TMEM108: variants seen among roughly 807,000 people sequenced by gnomAD.
The protein encoded by TMEM108 is cancer/testis antigen 124.
A neutral mutation model predicts 35.1 loss-of-function variants in TMEM108; 12 were observed. The ratio of observed to expected loss-of-function variants is 0.34; its 90% CI spans 0.22 to 0.55. The LOEUF (loss-of-function observed/expected upper bound fraction) is 0.55. Ranked by LOEUF, TMEM108 falls within the 20% of genes least tolerant of loss-of-function variation. The pLI, the probability that TMEM108 is intolerant of heterozygous loss-of-function variation, is 0.89. For missense variants in TMEM108, 680 were observed against 753.3 expected (o/e 0.90, Z 1.14); for synonymous variants, 287 against 308.6 (o/e 0.93, Z 0.73).
In TMEM108 at chr3:133,380,599, G is replaced by A. The variant is rs138205990; in HGVS notation, c.888G>A (p.Gly296=). The part of the protein sequence containing the change: ...GGGSTFTSQG[G]TPDATAASGA... Reference sequence around the variant, plus strand: ...GTTCTACCTTCACCAGCCAAGGAGGGACACCAGATGCCACAGCAGCCTCAG... The same window carrying A: ...GTTCTACCTTCACCAGCCAAGGAGGAACACCAGATGCCACAGCAGCCTCAG... The change falls in exon 4 of 6, where the codon GGG becomes GGA. Residue 296 remains glycine, a synonymous_variant. Coordinates refer to ENST00000321871, the MANE Select transcript of TMEM108 (RefSeq NM_023943.4). This position sits in a 1 kb window ranked among gnomAD's most constrained non-coding sequence, Gnocchi z 5.3. The A allele has an allele frequency of 4.9e-5, 79 of 1,613,288 alleles. No individual in the cohort carries two copies. The African/African-American group carries it at 9.5e-4, about 19-fold the overall frequency.
rs142029354 is a variant in TMEM108, at chr3:133,354,349, G to A, written c.41-25403G>A. 7.2e-3 allele frequency among the ~76,000 whole-genome samples: 1,094 copies of A among 152,232 alleles called. 15 individuals carry two copies. Among genetic ancestry groups the A allele is most frequent in the African/African-American group, 0.024 (1,013 of 41,538 alleles). On this transcript the variant is annotated intron_variant, in intron 3 of 5. Transcript: ENST00000321871. Reference sequence around the variant, plus strand: ...CATCTGGAGATTCAGATCATGTGGAGCCACCCAAGAGACCTGGCCAGGCAT... The same window carrying A: ...CATCTGGAGATTCAGATCATGTGGAACCACCCAAGAGACCTGGCCAGGCAT...
chr3:133,153,370 A>T (rs553346281), intron 2 of TMEM108, among the ~76,000 whole-genome samples: 11 of 152,326 alleles, frequency 7.2e-5, no homozygotes, highest in Admixed American at 3.9e-4. Flanking sequence ...TACAACATTT[A>T]GTGAGTGCTT....
chr3:133,395,952 T>C lies in TMEM108; in HGVS notation c.1694T>C (p.Leu565Pro). Residue 565 changes from leucine (L) to proline (P), a missense_variant, in exon 6 of 6, where the codon CTG becomes CCG. Transcript: ENST00000321871. ...GTTAACCCCTTCTGTCAAGAAACAC[T>C]GTTTGTGGGAAACGATCAAGTATCT... ...VLVNPFCQET[L>P]FVGNDQVSEI The C allele has an allele frequency of 6.2e-7, 1 of 1,604,724 alleles. No homozygotes were observed. The highest frequency in any genetic ancestry group is 8.5e-7 in the Non-Finnish European group (1 of 1,175,964).
chr3:133,167,237 T>C (rs1945053908), intron 2 of TMEM108, among the ~76,000 whole-genome samples: 1 of 152,108 alleles, frequency 6.6e-6, no homozygotes, highest in Non-Finnish European at 1.5e-5. Flanking sequence ...GGACACAGAG[T>C]GCTGATTGGT....
intron 2 of TMEM108, among the ~76,000 whole-genome samples, chr3:133,097,256 G>C (rs773022541): frequency 1.3e-5 from 2 of 152,174 alleles, no homozygotes; most frequent in Non-Finnish European, 2.9e-5. Flanking sequence ...GTTCTTTGGA[G>C]GTTAATGAAT....
intron 3 of TMEM108, among the ~76,000 whole-genome samples, chr3:133,370,145 CTTT>C (rs3054623): frequency 5.4e-4 from 69 of 126,784 alleles, no homozygotes; most frequent in Non-Finnish European, 8.0e-4. Flanking sequence ...TTCAGACTCC[CTTT>C]TTTTTTTTTT....
intron 2 of TMEM108, among the ~76,000 whole-genome samples, chr3:133,089,541 T>TA (rs1206860227): frequency 1.3e-5 from 2 of 152,232 alleles, no homozygotes; most frequent in African/African-American, 4.8e-5. Context: ...CAGGTGAGTC[T>TA]AGTGACACCA....
At chr3:133,138,395 T>G (rs1944594612) in intron 2 of TMEM108, among the ~76,000 whole-genome samples, 1 of 152,194 alleles carries the variant, frequency 6.6e-6, no homozygotes, top group African/African-American at 2.4e-5. Context: ...ACTATCAAAC[T>G]TATCCAACCC....
chr3:133,122,949 A>G (rs762363746), intron 2 of TMEM108, among the ~76,000 whole-genome samples: 4 of 152,208 alleles, frequency 2.6e-5, no homozygotes, highest in Non-Finnish European at 5.9e-5. Context: ...TCAATCCTAA[A>G]TATCATTCCT....
intron 3 of TMEM108, among the ~76,000 whole-genome samples, chr3:133,277,081 A>G (rs901656416): frequency 6.6e-6 from 1 of 152,202 alleles, no homozygotes; most frequent in Non-Finnish European, 1.5e-5. Context: ...CTAAAAGGAC[A>G]TGACAAGCAA....
At chr3:133,225,473 C>G (rs183939713) in intron 2 of TMEM108, among the ~76,000 whole-genome samples, 5 of 152,220 alleles carry the variant, frequency 3.3e-5, no homozygotes, top group East Asian at 3.9e-4. Flanking sequence ...CCCCCTCCCC[C>G]AAAGAAGAAC....
At chr3:133,089,892 A>G (rs1299184562) in intron 2 of TMEM108, among the ~76,000 whole-genome samples, 1 of 152,232 alleles carries the variant, frequency 6.6e-6, no homozygotes, top group African/African-American at 2.4e-5. Flanking sequence ...TTAAATGTCA[A>G]TTTAGCATGT....
intron 4 of TMEM108, chr3:133,387,996 A>T (rs1365102823): frequency 1.0e-6 from 1 of 985,328 alleles, no homozygotes; most frequent in East Asian, 1.1e-4. Flanking sequence ...TTCCCCTGCC[A>T]GCCTGTGTTC....
chr3:133,089,339 C>A (rs73860829), intron 2 of TMEM108, among the ~76,000 whole-genome samples: 128 of 152,178 alleles, frequency 8.4e-4, no homozygotes, highest in African/African-American at 3.0e-3. Context: ...AGTTTATGTT[C>A]GGTGCCTTTT....
intron 3 of TMEM108, among the ~76,000 whole-genome samples, chr3:133,311,044 A>G (rs561684705): frequency 6.6e-6 from 1 of 152,202 alleles, no homozygotes; most frequent in African/African-American, 2.4e-5. Flanking sequence ...AATGTTGAAT[A>G]TTGACCCCCA....
intron 2 of TMEM108, among the ~76,000 whole-genome samples, chr3:133,167,353 C>T (rs1281631514): frequency 6.6e-6 from 1 of 152,270 alleles, no homozygotes; most frequent in South Asian, 2.1e-4. Context: ...GGATCCTGCT[C>T]CAGGGCCATG....
intron 4 of TMEM108, chr3:133,386,358 T>C (rs774540524): frequency 5.7e-4 from 870 of 1,524,108 alleles, no homozygotes; most frequent in Non-Finnish European, 7.3e-4. Context: ...AGCAATTCAA[T>C]AGTTGTTTGA....
chr3:133,275,859 G>T (rs959195726), intron 3 of TMEM108, among the ~76,000 whole-genome samples: 8 of 152,308 alleles, frequency 5.3e-5, no homozygotes, highest in African/African-American at 1.9e-4. Context: ...TGAAATTGCA[G>T]ATAAAGGATT....
At chr3:133,299,566 A>C (rs1220707132) in intron 3 of TMEM108, among the ~76,000 whole-genome samples, 1 of 152,186 alleles carries the variant, frequency 6.6e-6, no homozygotes, top group African/African-American at 2.4e-5. Context: ...TGCCCTCATC[A>C]TGCTTAAGGT....
Sources: gnomAD v4.1 joint callset for allele counts (sites outside exome capture counted in the v4.1 genomes callset) on GRCh38, gnomAD v4.1.1 for gene constraint, Gnocchi (gnomAD v3.1) non-coding constraint, MANE v1.5 for transcripts, NCBI Gene and HGNC (gene_info 2026-07-23, HGNC 2026-07-21) for gene names.